PRR13: variants seen among roughly 807,000 people sequenced by gnomAD.
PRR13 encodes the protein proline rich 13, also known as proline-rich protein 13.
A neutral mutation model predicts 11.5 loss-of-function variants in PRR13; 7 were observed. The ratio of observed to expected loss-of-function variants is 0.61; its 90% CI spans 0.34 to 1.14. The LOEUF (loss-of-function observed/expected upper bound fraction) is 1.14. PRR13 is among the 50% of genes most tolerant of loss of function. The pLI, the probability that PRR13 is intolerant of heterozygous loss-of-function variation, is 0.03. For synonymous variants in PRR13, 53 were observed against 67.8 expected, an observed-to-expected ratio of 0.78 and a Z score of 1.07; for missense variants, 155 against 194.4, an observed-to-expected ratio of 0.80 and a Z score of 1.21.
chr12:53,444,764 G>A (rs1423260453), intron 3 of PRR13, among the ~76,000 whole-genome samples: 1 of 152,138 alleles, frequency 6.6e-6, no homozygotes, highest in Non-Finnish European at 1.5e-5. Context: ...TGGGTGTGGT[G>A]GCGCATGCCT....
rs760622119 is a variant in PRR13, at chr12:53,443,401, G to A, written c.30G>A (p.Gly10=). The A allele has an allele frequency of 7.1e-7, 1 of 1,407,066 alleles. No individual in the cohort carries two copies. Among genetic ancestry groups the A allele is most frequent in the Non-Finnish European group, 9.3e-7 (1 of 1,072,984 alleles). The allele number at this position is 1,407,066 out of a possible 1,614,324, so 87.2% of individuals were successfully genotyped here. MWNPNAGQP[G]PNPYPPNIGC... is the part of the protein sequence containing the mutation. Reference sequence around the variant, plus strand: ...TGCTTCTTCCACCAGGGCAGCCAGGGCCAAATCCATATCCCCCCAATATTG... The same window carrying A: ...TGCTTCTTCCACCAGGGCAGCCAGGACCAAATCCATATCCCCCCAATATTG... Residue 10 remains glycine, a synonymous_variant, in exon 3 of 4, where the codon GGG becomes GGA. Coordinates refer to ENST00000429243, the MANE Select transcript of PRR13 (RefSeq NM_018457.4).
At chr12:53,444,565 G>A (rs898881820) in intron 3 of PRR13, among the ~76,000 whole-genome samples, 2 of 152,214 alleles carry the variant, frequency 1.3e-5, no homozygotes, top group African/African-American at 4.8e-5. Context: ...TCCTGACCTT[G>A]TGATCCGCCC....
chr12:53,444,361 G>A lies in PRR13; in HGVS notation c.402+588G>A, dbSNP rs1336577146. On this transcript the variant is annotated intron_variant, in intron 3 of 3. Transcript: ENST00000429243. ...TTTTTTTTTTTTGAGACGGAGTCCC[G>A]CTCTTTAGCCCAGGCCAGATTGCAG... 1.6e-4 allele frequency among the ~76,000 whole-genome samples: 23 copies of A among 141,074 alleles called. No individual in the cohort carries two copies. The Admixed American group carries it at 1.7e-3, about 10-fold the overall frequency. The allele number at this position is 141,074 out of a possible 152,430, so 92.6% of individuals were successfully genotyped here. A position where few individuals can be genotyped will look rare whatever the true frequency, so the allele number is the denominator to read the frequency against.
rs771055979 is a variant in PRR13 at position 53,443,590 on chromosome 12, G to A, written c.219G>A (p.Pro73=). The part of the protein sequence containing the change: ...VPQPGYPGCQ[P]LGPYPPPYPP... ...AGCCAGGGTATCCAGGATGCCAACC[G>A]TTGGGTCCCTACCCTCCTCCATACC... is the stretch of plus-strand genomic sequence containing the variant. The change falls in exon 3 of 4, where the codon CCG becomes CCA. Residue 73 remains proline (P), a synonymous_variant. Transcript: ENST00000429243. 211 of 1,611,086 alleles carry A rather than the reference G, an allele frequency of 1.3e-4. 2 individuals are homozygous for A. The South Asian group carries it at 2.2e-3, about 16-fold the overall frequency.
At chr12:53,441,967 T>G in intron 1 of PRR13, 175 bp downstream of exon 1, 1 of 617,712 alleles carries the variant, frequency 1.6e-6, no homozygotes, top group South Asian at 1.9e-5. Flanking sequence ...TTACTTCGCC[T>G]CGAGGCGTAT....
intron 3 of PRR13, among the ~76,000 whole-genome samples, chr12:53,444,463 G>A (rs1940362651): frequency 6.6e-6 from 1 of 151,916 alleles, no homozygotes; most frequent in Admixed American, 6.6e-5. Context: ...CCGAGTAGCT[G>A]GGACTACAGG....
intron 3 of PRR13, 150 bp from the exon 4 acceptor site, chr12:53,445,865 G>T: frequency 1.9e-6 from 2 of 1,075,908 alleles, no homozygotes; most frequent in East Asian, 4.8e-5. Flanking sequence ...CTTTTGTTTA[G>T]GTACAGTCTG....
At chr12:53,441,947 A>G (rs771385990) in intron 1 of PRR13, 155 bp downstream of exon 1, 3 of 635,826 alleles carry the variant, frequency 4.7e-6, no homozygotes, top group Non-Finnish European at 8.4e-6. Flanking sequence ...GTTCTTGGGC[A>G]ACTTCCTTCT....
At chr12:53,443,283 T>C in intron 2 of PRR13, 108 bp from the exon 3 acceptor site, 9 of 1,186,698 alleles carry the variant, frequency 7.6e-6, no homozygotes, top group African/African-American at 1.5e-5. Flanking sequence ...CTTTGTCATC[T>C]TTCCGTTTCC....
intron 2 of PRR13, chr12:53,442,968 T>C: frequency 2.3e-6 from 1 of 434,410 alleles, no homozygotes; most frequent in South Asian, 4.6e-5. Context: ...GCGATTCTCC[T>C]GTTTCAGCCT....
In PRR13 at chr12:53,443,380, T is replaced by A; in HGVS notation, c.20-11T>A. On this transcript the variant is annotated splice_polypyrimidine_tract_variant and intron_variant, in intron 2 of 3. Coordinates refer to ENST00000429243, the MANE Select transcript of PRR13 (RefSeq NM_018457.4). The stretch of plus-strand genomic sequence containing the variant: ...GGAATTCTAATGTTTATTCTCTGCT[T>A]CTTCCACCAGGGCAGCCAGGGCCAA... 1.0e-5 allele frequency: 14 copies of A among 1,391,366 alleles called. No individual in the cohort carries two copies. The highest frequency in any genetic ancestry group is 1.3e-5 in the Non-Finnish European group (14 of 1,064,664). The allele number at this position is 1,391,366 out of a possible 1,614,324, so 86.2% of individuals were successfully genotyped here.
chr12:53,443,569 A>G lies in PRR13; in HGVS notation c.198A>G (p.Pro66=). The part of the protein sequence containing the change: ...PGGPPHPVPQ[P]GYPGCQPLGP... ...GGCCCCCTCATCCTGTGCCACAGCCAGGGTATCCAGGATGCCAACCGTTGG... is the reference window on the plus strand; with the variant it reads ...GGCCCCCTCATCCTGTGCCACAGCCGGGGTATCCAGGATGCCAACCGTTGG... Residue 66 remains proline, a synonymous_variant, in exon 3 of 4, where the codon CCA becomes CCG. Coordinates refer to ENST00000429243, the MANE Select transcript of PRR13 (RefSeq NM_018457.4). 6.2e-7 allele frequency: 1 copy of G among 1,602,148 alleles called. No individual in the cohort carries two copies. Among genetic ancestry groups the G allele is most frequent in the Non-Finnish European group, 8.5e-7 (1 of 1,173,376 alleles).
chr12:53,442,629 T>G (rs1253291780), intron 1 of PRR13, 66 bp from the exon 2 acceptor site: 1 of 1,408,796 alleles, frequency 7.1e-7, no homozygotes, highest in African/African-American at 1.4e-5. Context: ...AGGGCTGGGC[T>G]CCGGTGCTAA....
chr12:53,443,322 T>C, intron 2 of PRR13, 69 bp from the exon 3 acceptor site: 1 of 1,294,092 alleles, frequency 7.7e-7, no homozygotes, highest in Non-Finnish European at 1.0e-6. Flanking sequence ...AAAGAATCTC[T>C]TTCTTTTTGT....
At chr12:53,445,744 G>A (rs965281890) in intron 3 of PRR13, among the ~76,000 whole-genome samples, 8 of 152,224 alleles carry the variant, frequency 5.3e-5, no homozygotes, top group African/African-American at 1.9e-4. Context: ...TTCAGGTAAA[G>A]AAAGTTGGAA....
chr12:53,442,782 C>T, intron 2 of PRR13, 49 bp downstream of exon 2: 1 of 1,569,840 alleles, frequency 6.4e-7, no homozygotes, highest in Non-Finnish European at 8.8e-7. Context: ...TTCTGATGGG[C>T]TCTATAACAG....
intron 3 of PRR13, among the ~76,000 whole-genome samples, chr12:53,444,329 G>GTTTT (rs959231725): frequency 6.7e-4 from 88 of 131,340 alleles, no homozygotes; most frequent in African/African-American, 2.5e-3. Context: ...GACTAAGGAG[G>GTTTT]TTTTTTTTTT....
At chr12:53,443,270 CTTCT>C (rs1940332247) in intron 2 of PRR13, 117 bp from the exon 3 acceptor site, 2 of 1,120,428 alleles carry the variant, frequency 1.8e-6, no homozygotes, top group Non-Finnish European at 2.4e-6. Flanking sequence ...ACCCTCCATT[CTTCT>C]TTGTCATCTT....
intron 3 of PRR13, 151 bp from the exon 4 acceptor site, chr12:53,445,864 A>T: frequency 9.7e-7 from 1 of 1,033,020 alleles, no homozygotes; most frequent in Non-Finnish European, 1.5e-6. Flanking sequence ...GCTTTTGTTT[A>T]GGTACAGTCT....
Sources: gnomAD v4.1 joint callset for allele counts (sites outside exome capture counted in the v4.1 genomes callset) on GRCh38, gnomAD v4.1.1 for gene constraint, MANE v1.5 for transcripts, NCBI Gene and HGNC (gene_info 2026-07-23, HGNC 2026-07-21) for gene names.